Variants in THADA observed in about 807,000 individuals in gnomAD.
THADA encodes THADA armadillo repeat containing.
A neutral mutation model predicts 219.8 loss-of-function variants in THADA; 213 were observed. The observed-to-expected ratio is 0.97, with a 90% CI of 0.87 to 1.09. THADA has a LOEUF of 1.09. THADA is among the 50% of genes least tolerant of loss of function. The pLI is 0.00. For missense variants in THADA, 2,956 were observed against 2,311.3 expected (o/e 1.28, Z -5.72); for synonymous variants, 1,018 against 828.9 (o/e 1.23, Z -3.92).
At chr2:43,540,750 A>G (rs1307856243) in intron 21 of THADA, among the ~76,000 whole-genome samples, 1 of 152,238 alleles carries the variant, frequency 6.6e-6, no homozygotes, top group African/African-American at 2.4e-5. Context: ...CAACTTTATT[A>G]TCAATGCAGT....
chr2:43,387,325 G>A (rs1672810084), intron 29 of THADA, among the ~76,000 whole-genome samples: 1 of 152,166 alleles, frequency 6.6e-6, no homozygotes, highest in Non-Finnish European at 1.5e-5. Flanking sequence ...TTGGAACAAG[G>A]ACATGAAGCA....
At chr2:43,464,969 G>T (rs1339191930) in intron 26 of THADA, among the ~76,000 whole-genome samples, 1 of 152,084 alleles carries the variant, frequency 6.6e-6, no homozygotes, top group African/African-American at 2.4e-5. Context: ...AAAAAACCCT[G>T]CCGGCAAAGA....
chr2:43,407,855 G>C (rs1296096173), intron 28 of THADA, among the ~76,000 whole-genome samples: 2 of 151,938 alleles, frequency 1.3e-5, no homozygotes, highest in Non-Finnish European at 2.9e-5. Flanking sequence ...GATAGTCTAT[G>C]GGAACATAAA....
intron 24 of THADA, among the ~76,000 whole-genome samples, chr2:43,500,804 T>TTA (rs1240194169): frequency 6.6e-6 from 1 of 152,138 alleles, no homozygotes; most frequent in Non-Finnish European, 1.5e-5. Flanking sequence ...AAAGGTATGA[T>TTA]TATCCATAAA....
chr2:43,238,118 CAAAAAAAAAAAAAAAAAA>C (rs59802310), intron 36 of THADA, among the ~76,000 whole-genome samples: 41 of 28,278 alleles, frequency 1.4e-3, no homozygotes, highest in Admixed American at 2.2e-3. Context: ...GATTCCATCT[CAAAAAAAAAAAAAAAAAA>C]AAAAAAAAAA....
chr2:43,387,419 G>T (rs998768294), intron 29 of THADA, among the ~76,000 whole-genome samples: 3 of 152,202 alleles, frequency 2.0e-5, no homozygotes, highest in Non-Finnish European at 2.9e-5. Flanking sequence ...AAGAGAGGAA[G>T]GAAAGTGCCT....
chr2:43,471,861 A>G (rs997540577), intron 26 of THADA, among the ~76,000 whole-genome samples: 3 of 152,180 alleles, frequency 2.0e-5, no homozygotes, highest in African/African-American at 7.2e-5. Context: ...AGCACACTGT[A>G]TGCTCCCTAA....
At chr2:43,474,928 G>A (rs1446284366) in intron 26 of THADA, among the ~76,000 whole-genome samples, 2 of 152,018 alleles carry the variant, frequency 1.3e-5, no homozygotes, top group Non-Finnish European at 2.9e-5. Flanking sequence ...GACCCAGACC[G>A]CCTCATGGAC....
intron 12 of THADA, 29 bp from the exon 13 acceptor site, chr2:43,571,891 A>G (rs768882132): frequency 8.1e-6 from 13 of 1,605,572 alleles, no homozygotes; most frequent in Non-Finnish European, 1.7e-6. Flanking sequence ...TAAAATGTTA[A>G]TTTTCCAAGA....
chr2:43,246,214 G>C (rs1482469285), intron 36 of THADA, among the ~76,000 whole-genome samples: 1 of 152,066 alleles, frequency 6.6e-6, no homozygotes, highest in Non-Finnish European at 1.5e-5. Context: ...GAATCCAGAG[G>C]CTGGACGTGG....
chr2:43,331,448 T>C (rs1393647662), intron 30 of THADA, among the ~76,000 whole-genome samples: 2 of 152,230 alleles, frequency 1.3e-5, no homozygotes, highest in East Asian at 3.8e-4. Flanking sequence ...TTCATGTGCA[T>C]ATAGACAGCA....
In THADA at chr2:43,292,981, G is replaced by T. The variant is rs753637791; in HGVS notation, c.4671C>A (p.Arg1557=). Residue 1557 remains arginine, a synonymous_variant, in exon 32 of 38, where the codon CGC becomes CGA. Transcript: ENST00000405975. ...CCAAGAGGGCTTCCAGTGTTAGTGA[G>T]CGCACTTCAGGGAAGGCAGATTCTA... ...QLLESAFPEV[R]SLTLEALLEK... 6.2e-7 allele frequency: 1 copy of T among 1,614,024 alleles called. No homozygotes were observed. Among genetic ancestry groups the T allele is most frequent in the South Asian group, 1.1e-5 (1 of 91,088 alleles).
intron 26 of THADA, among the ~76,000 whole-genome samples, chr2:43,434,224 T>A (rs1032373907): frequency 2.0e-5 from 3 of 152,230 alleles, no homozygotes; most frequent in Admixed American, 2.0e-4. Flanking sequence ...GAGCTAATAC[T>A]GCAGATCACA....
chr2:43,575,399 G>A (rs138866353), intron 10 of THADA, among the ~76,000 whole-genome samples: 3 of 152,294 alleles, frequency 2.0e-5, no homozygotes, highest in African/African-American at 7.2e-5. Context: ...AATGAGCTGT[G>A]CTCATGCCAC....
intron 29 of THADA, among the ~76,000 whole-genome samples, chr2:43,355,134 G>A (rs1417891160): frequency 6.6e-6 from 1 of 152,140 alleles, no homozygotes; most frequent in Admixed American, 6.5e-5. Context: ...ATCTGCTGAT[G>A]GACACTTAGG....
intron 31 of THADA, among the ~76,000 whole-genome samples, chr2:43,299,887 G>A (rs575690076): frequency 6.6e-6 from 1 of 151,412 alleles, no homozygotes; most frequent in Non-Finnish European, 1.5e-5. Context: ...AATTAGCCAG[G>A]TGTGGTGGTG....
rs527338044 is a variant in THADA at position 43,296,743 on chromosome 2, C to T, written c.4439-3530G>A. ...ACCATTTCCCTATCCTTCCTACCCA[C>T]TGCTGCTAGAGGACAGCATTACATT... On this transcript the variant is annotated intron_variant, in intron 31 of 37. Transcript: ENST00000405975. Among the ~76,000 whole-genome samples, 174 of 152,366 alleles carry T rather than the reference C, an allele frequency of 1.1e-3. 4 individuals are homozygous for T. In the South Asian group the frequency reaches 0.035, roughly 31 times the overall value.
At chr2:43,461,457 T>G (rs554854203) in intron 26 of THADA, among the ~76,000 whole-genome samples, 23 of 152,126 alleles carry the variant, frequency 1.5e-4, no homozygotes, top group Non-Finnish European at 2.8e-4. Flanking sequence ...CTCCCTGACT[T>G]TGCCCTCCCC....
intron 30 of THADA, among the ~76,000 whole-genome samples, chr2:43,333,512 C>CT (rs1285762101): frequency 1.3e-5 from 2 of 150,050 alleles, no homozygotes; most frequent in African/African-American, 2.5e-5. Flanking sequence ...AAGGAGGATC[C>CT]TTTTTTTTGA....
Sources: gnomAD v4.1 joint callset for allele counts (sites outside exome capture counted in the v4.1 genomes callset) on GRCh38, gnomAD v4.1.1 for gene constraint, MANE v1.5 for transcripts, NCBI Gene and HGNC (gene_info 2026-07-23, HGNC 2026-07-21) for gene names.